HNRNPLL: variants seen among roughly 807,000 people sequenced by gnomAD.
HNRNPLL encodes the protein heterogeneous nuclear ribonucleoprotein L-like.
HNRNPLL carries 25 observed loss-of-function variants against 67.1 expected under a neutral mutation model. The ratio of observed to expected loss-of-function variants is 0.37; its 90% CI spans 0.27 to 0.52. HNRNPLL has a LOEUF of 0.52. HNRNPLL is among the 20% of genes least tolerant of loss of function. The pLI is 0.90. For synonymous variants in HNRNPLL, 267 were observed against 241.7 expected (o/e 1.10, Z -0.97); for missense variants, 542 against 673.9 (o/e 0.80, Z 2.17).
intron 1 of HNRNPLL, among the ~76,000 whole-genome samples, chr2:38,599,378 A>G (rs1315527492): frequency 1.3e-5 from 2 of 152,366 alleles, no homozygotes; most frequent in Non-Finnish European, 2.9e-5. Flanking sequence ...TGAAGCCTTA[A>G]TATTTCCAAG....
At chr2:38,589,155 T>C (rs1404072702) in intron 2 of HNRNPLL, among the ~76,000 whole-genome samples, 3 of 152,320 alleles carry the variant, frequency 2.0e-5, no homozygotes, top group East Asian at 3.9e-4. Flanking sequence ...GCATACAGTA[T>C]AGAAAAATAA....
chr2:38,568,524 G>C, intron 10 of HNRNPLL, 81 bp from the exon 11 acceptor site: 1 of 861,008 alleles, frequency 1.2e-6, no homozygotes, highest in Non-Finnish European at 1.8e-6. Context: ...CTTTATGGCA[G>C]AATTTAAGTT....
intron 8 of HNRNPLL, among the ~76,000 whole-genome samples, chr2:38,570,771 T>G (rs145199615): frequency 2.6e-5 from 4 of 152,090 alleles, no homozygotes; most frequent in Non-Finnish European, 4.4e-5. Context: ...CCTGGTGCAG[T>G]GGCTCACACT....
rs1665737646 is a variant in HNRNPLL at position 38,563,535 on chromosome 2, A to G, written c.*647T>C. ...ATTGTTATAACTTTATAAAATCTCC[A>G]AACTGGACTAGAAACAGAGGCATGT... On this transcript the variant is annotated 3_prime_UTR_variant, in exon 13 of 13. Transcript: ENST00000449105. 1 of 152,130 alleles carries G rather than the reference A, an allele frequency of 6.6e-6. No homozygotes were observed. Among genetic ancestry groups the G allele is most frequent in the Non-Finnish European group, 1.5e-5 (1 of 67,968 alleles). The allele number at this position is 152,130 out of a possible 1,614,324, so 9.4% of individuals were successfully genotyped here.
chr2:38,568,390 T>C lies in HNRNPLL; in HGVS notation c.1470A>G (p.Ala490=), dbSNP rs1441437202. ...LTFIKYKVFD[A]KPSAKTLSGL... is the part of the protein sequence containing the mutation. ...AAAGAGGGACTGTTCACTTACGTTT[T>C]GCATCAAACACTTTATATTTGATGA... Residue 490 remains alanine, a synonymous_variant, in exon 11 of 13, where the codon GCA becomes GCG. Transcript: ENST00000449105. The C allele has an allele frequency of 1.2e-6, 2 of 1,609,532 alleles. No homozygotes were observed. Among genetic ancestry groups the C allele is most frequent in the Non-Finnish European group, 1.7e-6 (2 of 1,176,606 alleles).
chr2:38,577,748 T>C (rs1353842037), intron 6 of HNRNPLL, among the ~76,000 whole-genome samples: 2 of 152,104 alleles, frequency 1.3e-5, no homozygotes, highest in African/African-American at 2.4e-5. Flanking sequence ...TTAACTTGAA[T>C]ATATCTTTTT....
At chr2:38,579,356 A>G (rs962913422) in intron 6 of HNRNPLL, among the ~76,000 whole-genome samples, 3 of 152,054 alleles carry the variant, frequency 2.0e-5, no homozygotes, top group East Asian at 3.8e-4. Flanking sequence ...ACATGTATAC[A>G]TATGTAACTA....
At chr2:38,571,839 G>A (rs1191929865) in intron 8 of HNRNPLL, among the ~76,000 whole-genome samples, 2 of 152,060 alleles carry the variant, frequency 1.3e-5, no homozygotes. Context: ...AAAGGGACTA[G>A]AATTAGTCAA....
chr2:38,568,987 A>C, intron 10 of HNRNPLL, 146 bp downstream of exon 10: 1 of 617,012 alleles, frequency 1.6e-6, no homozygotes. Context: ...CAATGGTCAA[A>C]GAATAAACTA....
chr2:38,598,519 T>C (rs1667301844), intron 1 of HNRNPLL, among the ~76,000 whole-genome samples: 1 of 152,244 alleles, frequency 6.6e-6, no homozygotes, highest in South Asian at 2.1e-4. Context: ...GCCCTGAAAG[T>C]TGTGTTCAAT....
intron 7 of HNRNPLL, among the ~76,000 whole-genome samples, chr2:38,573,759 A>C (rs1666187338): frequency 6.6e-6 from 1 of 151,846 alleles, no homozygotes; most frequent in Admixed American, 6.6e-5. Flanking sequence ...TATAAATTAT[A>C]CCTCAAATTT....
At chr2:38,575,551 C>T (rs994949933) in intron 7 of HNRNPLL, among the ~76,000 whole-genome samples, 3 of 151,686 alleles carry the variant, frequency 2.0e-5, no homozygotes, top group Non-Finnish European at 4.4e-5. Context: ...TCTGGGCTTC[C>T]CAAATTAAAA....
At chr2:38,595,999 T>C (rs1667174214) in intron 1 of HNRNPLL, among the ~76,000 whole-genome samples, 1 of 152,164 alleles carries the variant, frequency 6.6e-6, no homozygotes, top group Non-Finnish European at 1.5e-5. Context: ...TTTATTTACC[T>C]GGATATTTCT....
Position 38,562,712 on chromosome 2 carries a change from T to C in HNRNPLL, c.*1470A>G, listed in dbSNP as rs1665713501. On this transcript the variant is annotated 3_prime_UTR_variant, in exon 13 of 13. Transcript: ENST00000449105. ...CTGTGATAAGGGTCTAAAATACTTC[T>C]AGATTAAATTTAATTTTTTCTTTAT... 6.6e-6 allele frequency: 1 copy of C among 152,088 alleles called. No individual in the cohort carries two copies. Among genetic ancestry groups the C allele is most frequent in the Admixed American group, 6.6e-5 (1 of 15,254 alleles). 9.4% of individuals were successfully genotyped at this position (152,088 alleles called of 1,614,324 possible).
chr2:38,602,829 C>A lies in HNRNPLL; in HGVS notation c.-203G>T, dbSNP rs1311160429. 1 of 1,548,728 alleles carries A rather than the reference C, an allele frequency of 6.5e-7. No individual in the cohort carries two copies. The highest frequency in any genetic ancestry group is 1.4e-5 in the African/African-American group (1 of 72,710). ...CTGAGGGGGGCGCCCCGGGAGGAAG[C>A]TCTGGAGCGGCCGCTCCTCTCAATT... On this transcript the variant is annotated 5_prime_UTR_variant, in exon 1 of 13. Coordinates refer to ENST00000449105, the MANE Select transcript of HNRNPLL (RefSeq NM_138394.4).
intron 1 of HNRNPLL, among the ~76,000 whole-genome samples, chr2:38,600,769 A>G (rs528347559): frequency 5.3e-5 from 8 of 151,594 alleles, no homozygotes; most frequent in African/African-American, 1.9e-4. Flanking sequence ...AAAAAATTGT[A>G]TGCTAAGCCT....
At chr2:38,594,776 C>T (rs1250064731) in intron 1 of HNRNPLL, among the ~76,000 whole-genome samples, 1 of 151,902 alleles carries the variant, frequency 6.6e-6, no homozygotes, top group Non-Finnish European at 1.5e-5. Context: ...ATGGCAAAAC[C>T]CCATCTCTAC....
chr2:38,583,159 C>A (rs979384490), intron 4 of HNRNPLL, among the ~76,000 whole-genome samples: 1 of 152,010 alleles, frequency 6.6e-6, no homozygotes, highest in Non-Finnish European at 1.5e-5. Flanking sequence ...AAAATTTTAT[C>A]AGTTTTTAAA....
chr2:38,565,998 C>G, intron 12 of HNRNPLL: 1 of 960,012 alleles, frequency 1.0e-6, no homozygotes, highest in Non-Finnish European at 1.2e-6. Flanking sequence ...AACCATCATT[C>G]ATCACCACAC....
Sources: gnomAD v4.1 joint callset for allele counts (sites outside exome capture counted in the v4.1 genomes callset) on GRCh38, gnomAD v4.1.1 for gene constraint, MANE v1.5 for transcripts, NCBI Gene and HGNC (gene_info 2026-07-23, HGNC 2026-07-21) for gene names.